SEMA4F: variants seen among roughly 807,000 people sequenced by gnomAD.
The protein encoded by SEMA4F is ssemaphorin 4F.
SEMA4F carries 51 observed loss-of-function variants against 78.4 expected under a neutral mutation model. The ratio of observed to expected loss-of-function variants is 0.65; its 90% CI spans 0.52 to 0.82. The LOEUF (loss-of-function observed/expected upper bound fraction) is 0.82. SEMA4F is among the 40% of genes least tolerant of loss of function. SEMA4F has a pLI of 0.00. For synonymous variants in SEMA4F, 418 were observed against 408.7 expected, an observed-to-expected ratio of 1.02 and a Z score of -0.27; for missense variants, 938 against 1,014.4, an observed-to-expected ratio of 0.92 and a Z score of 1.02.
the SEMA4F span, among the ~76,000 whole-genome samples, chr2:74,692,160 G>A: frequency 1.3e-5 from 2 of 152,332 alleles, no homozygotes; most frequent in East Asian, 3.9e-4. Context: ...GAGGAATTGA[G>A]ACCTAGGAGT....
the SEMA4F span, among the ~76,000 whole-genome samples, chr2:74,708,494 C>T: frequency 3.3e-5 from 5 of 152,192 alleles, no homozygotes; most frequent in African/African-American, 1.2e-4. Context: ...GACACTCTAC[C>T]CCAGTGGAGT....
Position 74,657,959 on chromosome 2 carries a change from A to G in SEMA4F, c.456+8A>G, listed in dbSNP as rs1349301707. On this transcript the variant is annotated splice_region_variant and intron_variant, in intron 4 of 13. Coordinates refer to ENST00000357877, the MANE Select transcript of SEMA4F (RefSeq NM_004263.5). ...CCGAAGTGCGGGGTTATTGTGAGTG[A>G]CGGTGTGGGAGGAGAGGGAGAGGGT... 6.2e-7 allele frequency: 1 copy of G among 1,612,886 alleles called. No individual in the cohort carries two copies.
At chr2:74,656,002 T>A (rs1245728625) in intron 1 of SEMA4F, among the ~76,000 whole-genome samples, 1 of 151,934 alleles carries the variant, frequency 6.6e-6, no homozygotes, top group East Asian at 1.9e-4. Context: ...AATGCTAATA[T>A]GAGGTTTAGA....
intron 1 of SEMA4F, among the ~76,000 whole-genome samples, 182 bp downstream of exon 1, chr2:74,654,703 C>T (rs972959911): frequency 4.6e-5 from 7 of 151,970 alleles, no homozygotes; most frequent in Admixed American, 2.0e-4. Flanking sequence ...TCTCTGCATC[C>T]CTCCCGCGCC....
chr2:74,684,483 A>AT (rs146964038), downstream of SEMA4F, among the ~76,000 whole-genome samples: 205 of 152,222 alleles, frequency 1.3e-3, 1 homozygote, highest in African/African-American at 4.6e-3. Context: ...AGCTTCCATG[A>AT]TTGTAGAGAA....
At chr2:74,700,325 G>A in the SEMA4F span, among the ~76,000 whole-genome samples, 1 of 152,060 alleles carries the variant, frequency 6.6e-6, no homozygotes, top group East Asian at 1.9e-4. Context: ...CAATGGTAGA[G>A]TAAGGGTCTG....
At chr2:74,695,694 A>G in the SEMA4F span, among the ~76,000 whole-genome samples, 1 of 152,238 alleles carries the variant, frequency 6.6e-6, no homozygotes, top group African/African-American at 2.4e-5. Flanking sequence ...GTTAAAGTGC[A>G]AATTTAAAAG....
Position 74,657,939 on chromosome 2 carries a change from G to C in SEMA4F, c.444G>C (p.Lys148Asn). 2 of 1,614,166 alleles carry C rather than the reference G, an allele frequency of 1.2e-6. No homozygotes were observed. The highest frequency in any genetic ancestry group is 1.7e-6 in the Non-Finnish European group (2 of 1,179,980). ...LTCGTFAFDP[K>N]CGVIDVSRFQ... ...GTGGCACCTTCGCTTTTGATCCGAA[G>C]TGCGGGGTTATTGTGAGTGACGGTG... Residue 148 changes from lysine to asparagine, a missense_variant, in exon 4 of 14, where the codon AAG becomes AAC. Transcript: ENST00000357877.
rs1462586148 is a variant in SEMA4F at position 74,654,248 on chromosome 2, T to G, written c.-129T>G. 1.3e-5 allele frequency: 14 copies of G among 1,118,596 alleles called. No homozygotes were observed. The East Asian group carries it at 3.9e-4, about 31-fold the overall frequency. The allele number at this position is 1,118,596 out of a possible 1,614,324, so 69.3% of individuals were successfully genotyped here. A position where few individuals can be genotyped will look rare whatever the true frequency, so the allele number is the denominator to read the frequency against. On this transcript the variant is annotated 5_prime_UTR_variant, in exon 1 of 14. Coordinates refer to ENST00000357877, the MANE Select transcript of SEMA4F (RefSeq NM_004263.5). ...TCTGAGGGGGCGGAGCCGGGCGGTG[T>G]TTCATCCCTCAGCCTCAGGCTGAGC...
At chr2:74,678,255 G>T (rs146847454) in intron 12 of SEMA4F, among the ~76,000 whole-genome samples, 1 of 152,156 alleles carries the variant, frequency 6.6e-6, no homozygotes, top group East Asian at 1.9e-4. Flanking sequence ...GTGGAGGGGG[G>T]TGGTGGGGAG....
chr2:74,668,709 C>CAAGTGATTCTCCTGTCTTG (rs1684821463), intron 5 of SEMA4F, among the ~76,000 whole-genome samples: 1 of 150,998 alleles, frequency 6.6e-6, no homozygotes, highest in Admixed American at 6.6e-5. Context: ...CTCCTGGGTT[C>CAAGTGATTCTCCTGTCTTG]AAGTGATTCT....
At chr2:74,699,612 A>T in the SEMA4F span, among the ~76,000 whole-genome samples, 1 of 152,182 alleles carries the variant, frequency 6.6e-6, no homozygotes, top group Non-Finnish European at 1.5e-5. Context: ...CACCTATGGA[A>T]ACTGTAAGAT....
chr2:74,655,362 C>T (rs1187334826), intron 1 of SEMA4F: 4 of 323,260 alleles, frequency 1.2e-5, no homozygotes, highest in African/African-American at 2.2e-5. Context: ...ATCATTGGGG[C>T]GATTCACATT....
At position 74,679,805 on chromosome 2, in the gene SEMA4F, C is replaced by G. The variant is rs753109312; in HGVS notation, c.1909C>G (p.His637Asp). ...ACECQEGGAAHVVAAYSLVWG... is the reference protein window; with the variant it reads ...ACECQEGGAADVVAAYSLVWG... ...TGAATGTCAGGAGGGTGGGGCAGCC[C>G]ATGTGGTAGCAGCTTACAGCTTGGT... Residue 637 changes from histidine (H) to aspartate (D), a missense_variant, in exon 14 of 14, where the codon CAT becomes GAT. By Grantham distance (81) the His-to-Asp change is moderately conservative. Coordinates refer to ENST00000357877, the MANE Select transcript of SEMA4F (RefSeq NM_004263.5). 5 of 1,614,188 alleles carry G rather than the reference C, an allele frequency of 3.1e-6. No homozygotes were observed. Among genetic ancestry groups the G allele is most frequent in the Non-Finnish European group, 4.2e-6 (5 of 1,180,020 alleles).
chr2:74,669,200 T>C (rs1261826615), intron 5 of SEMA4F, among the ~76,000 whole-genome samples: 1 of 152,096 alleles, frequency 6.6e-6, no homozygotes, highest in Non-Finnish European at 1.5e-5. Context: ...CCCAGCTACC[T>C]GGGAGGCTGA....
At chr2:74,684,389 T>C (rs1459252969), downstream of SEMA4F, among the ~76,000 whole-genome samples, 1 of 152,146 alleles carries the variant, frequency 6.6e-6, no homozygotes, top group African/African-American at 2.4e-5. Flanking sequence ...TTTTAGTGGC[T>C]TAAAACATTT....
At chr2:74,673,616 G>C in intron 6 of SEMA4F, 40 bp downstream of exon 6, 1 of 1,613,438 alleles carries the variant, frequency 6.2e-7, no homozygotes, top group Non-Finnish European at 8.5e-7. Flanking sequence ...AGACCGATGG[G>C]GTGGAGTCTG....
chr2:74,701,757 T>A, the SEMA4F span, among the ~76,000 whole-genome samples: 2,192 of 152,326 alleles, frequency 0.014, 23 homozygotes, highest in Non-Finnish European at 0.022. Context: ...GAAATCTTTG[T>A]CACTTGTTTC....
chr2:74,667,187 A>G (rs1684739336), intron 5 of SEMA4F, among the ~76,000 whole-genome samples: 1 of 152,214 alleles, frequency 6.6e-6, no homozygotes, highest in Non-Finnish European at 1.5e-5. Flanking sequence ...AGCATGACTT[A>G]ATTATTTCTA....
Sources: allele counts gnomAD v4.1 joint callset (sites outside exome capture counted in the v4.1 genomes callset), GRCh38; gene constraint gnomAD v4.1.1; transcripts MANE v1.5; gene names NCBI Gene and HGNC (gene_info 2026-07-23, HGNC 2026-07-21).